MDGA2: variants seen among roughly 807,000 people sequenced by gnomAD.
The protein encoded by MDGA2 is MAM domain-containing glycosylphosphatidylinositol anchor protein 2.
In MDGA2, 40 loss-of-function variants were observed where a neutral mutation model predicts 117.8. That is an observed-to-expected ratio of 0.34 (90% confidence interval 0.26 to 0.44). The LOEUF (loss-of-function observed/expected upper bound fraction) is 0.44, where lower values mean the gene tolerates loss of function less well. Ranked by LOEUF, MDGA2 falls within the 20% of genes least tolerant of loss-of-function variation. The pLI, the probability that MDGA2 is intolerant of heterozygous loss-of-function variation, is 1.00. For synonymous variants in MDGA2, 452 were observed against 439.0 expected, an observed-to-expected ratio of 1.03 and a Z score of -0.37; for missense variants, 1,123 against 1,250.6, an observed-to-expected ratio of 0.90 and a Z score of 1.54.
At chr14:46,939,777 A>G (rs1416470751) in intron 9 of MDGA2, among the ~76,000 whole-genome samples, 1 of 152,118 alleles carries the variant, frequency 6.6e-6, no homozygotes, top group African/African-American at 2.4e-5. Context: ...AAGATTAGAG[A>G]TCTTAAGCCA....
At chr14:47,095,413 C>T (rs539112024) in intron 6 of MDGA2, among the ~76,000 whole-genome samples, 4 of 151,842 alleles carry the variant, frequency 2.6e-5, no homozygotes, top group African/African-American at 7.2e-5. Context: ...ATTTAGAAGT[C>T]GAGTTCTGAG....
intron 1 of MDGA2, among the ~76,000 whole-genome samples, chr14:47,640,976 G>A (rs1265762337): frequency 1.3e-5 from 2 of 151,902 alleles, no homozygotes; most frequent in Non-Finnish European, 2.9e-5. Flanking sequence ...TCCCGAATAA[G>A]CAAGTTCGCA....
At chr14:47,390,231 T>A (rs1010190737) in intron 1 of MDGA2, among the ~76,000 whole-genome samples, 9 of 152,220 alleles carry the variant, frequency 5.9e-5, no homozygotes, top group Admixed American at 3.3e-4. Flanking sequence ...AACTTTTCAC[T>A]TCTTCCTCTT....
intron 5 of MDGA2, among the ~76,000 whole-genome samples, chr14:47,114,357 T>C (rs1002534490): frequency 6.6e-6 from 1 of 152,118 alleles, no homozygotes. Context: ...CCCAATATAA[T>C]TTATACATTC....
chr14:47,549,071 A>G (rs1017963376), intron 1 of MDGA2, among the ~76,000 whole-genome samples: 1 of 152,152 alleles, frequency 6.6e-6, no homozygotes, highest in Non-Finnish European at 1.5e-5. Context: ...GTGACAAATC[A>G]GTGAGGATGG....
At chr14:47,495,307 T>C (rs1894258461) in intron 1 of MDGA2, among the ~76,000 whole-genome samples, 1 of 151,822 alleles carries the variant, frequency 6.6e-6, no homozygotes, top group Admixed American at 6.6e-5. Flanking sequence ...AGGGGAAAAA[T>C]ACTACTTATT....
chr14:47,391,480 G>A (rs1443966841), intron 1 of MDGA2, among the ~76,000 whole-genome samples: 3 of 152,128 alleles, frequency 2.0e-5, no homozygotes, highest in Non-Finnish European at 2.9e-5. Flanking sequence ...CAATATAATG[G>A]CAGCCATTAG....
At chr14:46,852,439 A>G (rs1881096325) in intron 15 of MDGA2, among the ~76,000 whole-genome samples, 1 of 151,806 alleles carries the variant, frequency 6.6e-6, no homozygotes, top group Non-Finnish European at 1.5e-5. Context: ...ATGAGAGTTC[A>G]AAAAAACAAG....
In MDGA2 at chr14:47,312,693, G is replaced by GTTTTTT. The variant is rs375332903; in HGVS notation, c.281-11144_281-11143insAAAAAA. The stretch of plus-strand genomic sequence containing the variant: ...TAGTTTTTAGTTTTTTTTTTGTTTT[G>GTTTTTT]TTTTGTTTTTTTTTTTTGTAGAGAT... On this transcript the variant is annotated intron_variant, in intron 1 of 16. Coordinates refer to ENST00000399232, the MANE Select transcript of MDGA2 (RefSeq NM_001113498.3). Among the ~76,000 whole-genome samples, 122 of 104,344 alleles carry GTTTTTT rather than the reference G, an allele frequency of 1.2e-3. 3 individuals carry two copies. Among genetic ancestry groups the GTTTTTT allele is most frequent in the East Asian group, 1.6e-3 (6 of 3,644 alleles). The allele number at this position is 104,344 out of a possible 152,430, so 68.5% of individuals were successfully genotyped here.
intron 10 of MDGA2, among the ~76,000 whole-genome samples, chr14:46,897,591 T>C (rs377651700): frequency 7.9e-6 from 1 of 126,170 alleles, no homozygotes; most frequent in Non-Finnish European, 1.8e-5. Context: ...ACCTGCCTCA[T>C]TGAGTTATTC....
At chr14:47,456,455 G>A (rs1893356290) in intron 1 of MDGA2, among the ~76,000 whole-genome samples, 1 of 137,184 alleles carries the variant, frequency 7.3e-6, no homozygotes, top group South Asian at 2.3e-4. Context: ...ACCACGCCTG[G>A]CTAATTTTTT....
intron 2 of MDGA2, 96 bp from the exon 3 acceptor site, chr14:47,218,291 TG>T: frequency 1.0e-6 from 1 of 1,004,796 alleles, no homozygotes; most frequent in Non-Finnish European, 1.4e-6. Flanking sequence ...CATTTAGAGC[TG>T]CTACATTGCC....
chr14:47,574,946 T>C (rs577109651), intron 1 of MDGA2, among the ~76,000 whole-genome samples: 1 of 152,176 alleles, frequency 6.6e-6, no homozygotes, highest in South Asian at 2.1e-4. Context: ...CTCTATCTTC[T>C]ATCATTAAGG....
chr14:47,008,481 C>T (rs1180088467), intron 8 of MDGA2, among the ~76,000 whole-genome samples: 1 of 151,784 alleles, frequency 6.6e-6, no homozygotes, highest in Non-Finnish European at 1.5e-5. Flanking sequence ...GACTGATATC[C>T]CTTGGTTTCT....
intron 1 of MDGA2, among the ~76,000 whole-genome samples, chr14:47,302,743 AT>A (rs1889323501): frequency 6.6e-6 from 1 of 152,204 alleles, no homozygotes; most frequent in African/African-American, 2.4e-5. Flanking sequence ...TGAAAGTAAA[AT>A]AGAATAGTTT....
chr14:47,301,453 G>C lies in MDGA2; in HGVS notation c.378C>G (p.Thr126=). ...ERVYTIREGE[T]LELTCLVTGH... ...CTGTGACTAGACAAGTCAACTCAAGGGTTTCTCCTTCCCGGATAGTGTAGA... is the reference window on the plus strand; with the variant it reads ...CTGTGACTAGACAAGTCAACTCAAGCGTTTCTCCTTCCCGGATAGTGTAGA... The change falls in exon 2 of 17, where the codon ACC becomes ACG. Residue 126 remains threonine, a synonymous_variant. Transcript: ENST00000399232. 1 of 1,551,764 alleles carries C rather than the reference G, an allele frequency of 6.4e-7. No individual in the cohort carries two copies. Among genetic ancestry groups the C allele is most frequent in the Non-Finnish European group, 8.7e-7 (1 of 1,147,012 alleles).
At chr14:47,243,094 CTG>C (rs1479256997) in intron 2 of MDGA2, among the ~76,000 whole-genome samples, 2 of 151,116 alleles carry the variant, frequency 1.3e-5, no homozygotes, top group African/African-American at 2.4e-5. Context: ...AATCAGCACT[CTG>C]TATCTAGCTC....
In MDGA2 at chr14:47,403,862, C is replaced by A. The variant is rs527264351; in HGVS notation, c.281-102312G>T. ...TTTTCCTCTGAAGCCCACTCTATACCCAGAGAAAAGGGATGTCCTTATCTC... is the reference window on the plus strand; with the variant it reads ...TTTTCCTCTGAAGCCCACTCTATACACAGAGAAAAGGGATGTCCTTATCTC... On this transcript the variant is annotated intron_variant, in intron 1 of 16. Transcript: ENST00000399232. Among the ~76,000 whole-genome samples, 5 of 152,144 alleles carry A rather than the reference C, an allele frequency of 3.3e-5. No individual in the cohort carries two copies. In the East Asian group the frequency reaches 9.7e-4, roughly 29 times the overall value.
At chr14:46,905,370 T>A (rs1427843123) in intron 10 of MDGA2, among the ~76,000 whole-genome samples, 1 of 152,190 alleles carries the variant, frequency 6.6e-6, no homozygotes, top group African/African-American at 2.4e-5. Context: ...TCTTTCTATT[T>A]TTTTTTCACT....
Sources: allele counts gnomAD v4.1 joint callset (sites outside exome capture counted in the v4.1 genomes callset), GRCh38; gene constraint gnomAD v4.1.1; transcripts MANE v1.5; gene names NCBI Gene and HGNC (gene_info 2026-07-23, HGNC 2026-07-21).